The following PTPRD variants were observed in gnomAD, a reference collection of about 807,000 sequenced individuals.
PTPRD encodes the protein receptor-type tyrosine-protein phosphatase delta.
In PTPRD, 34 loss-of-function variants were observed where a neutral mutation model predicts 214.5. The ratio of observed to expected loss-of-function variants is 0.16; its 90% CI spans 0.12 to 0.21. PTPRD has a LOEUF of 0.21. Among genes scored for constraint, PTPRD ranks in the 10% least tolerant of loss-of-function variants. The pLI is 1.00. For synonymous variants in PTPRD, 1,128 were observed against 845.7 expected (o/e 1.33, Z -5.79); for missense variants, 2,545 against 2,398.7 (o/e 1.06, Z -1.27).
At chr9:9,879,455 T>G (rs984525765) in intron 5 of PTPRD, among the ~76,000 whole-genome samples, 2 of 152,218 alleles carry the variant, frequency 1.3e-5, no homozygotes, top group Non-Finnish European at 1.5e-5. Context: ...CCATTCAAAA[T>G]AGCTTGTATC....
At chr9:9,986,008 G>T (rs867279727) in intron 4 of PTPRD, among the ~76,000 whole-genome samples, 3 of 152,034 alleles carry the variant, frequency 2.0e-5, no homozygotes, top group Admixed American at 6.6e-5. Flanking sequence ...GGAATAAGGA[G>T]GACAGCTACA....
At chr9:10,534,204 T>C (rs1000315614) in intron 2 of PTPRD, among the ~76,000 whole-genome samples, 29 of 151,948 alleles carry the variant, frequency 1.9e-4, no homozygotes, top group African/African-American at 6.5e-4. Flanking sequence ...TCCATATCTT[T>C]TAAACTTTAA....
chr9:9,635,029 T>A (rs149389267), intron 7 of PTPRD, among the ~76,000 whole-genome samples: 26 of 152,166 alleles, frequency 1.7e-4, no homozygotes, highest in African/African-American at 4.8e-4. Context: ...ATATATTGAG[T>A]GAATGGTATT....
chr9:9,816,463 T>C lies in PTPRD; in HGVS notation c.-367-49612A>G, dbSNP rs1598619915. 2.6e-5 allele frequency among the ~76,000 whole-genome samples: 4 copies of C among 152,200 alleles called. No homozygotes were observed. The South Asian group carries it at 8.3e-4, about 32-fold the overall frequency. Reference sequence around the variant, plus strand: ...GCTAAAGTGCTTTGGTACATTTACATAAATCTCACTATTTGAACAATATAA... The same window carrying C: ...GCTAAAGTGCTTTGGTACATTTACACAAATCTCACTATTTGAACAATATAA... On this transcript the variant is annotated intron_variant, in intron 5 of 45. Transcript: ENST00000381196.
At chr9:10,065,159 G>GA (rs1371908539) in intron 3 of PTPRD, among the ~76,000 whole-genome samples, 2 of 149,486 alleles carry the variant, frequency 1.3e-5, no homozygotes, top group Non-Finnish European at 1.5e-5. Flanking sequence ...AAGAAAGAAA[G>GA]AAAGAAAGAA....
At chr9:9,066,840 T>C (rs780409928) in intron 10 of PTPRD, among the ~76,000 whole-genome samples, 5 of 152,226 alleles carry the variant, frequency 3.3e-5, no homozygotes, top group African/African-American at 7.2e-5. Context: ...CACCTTAATT[T>C]TGACCCAGTG....
chr9:10,177,378 A>G (rs1206691721), intron 3 of PTPRD, among the ~76,000 whole-genome samples: 10 of 151,782 alleles, frequency 6.6e-5, no homozygotes, highest in Non-Finnish European at 1.5e-4. Flanking sequence ...CCAAGGGGCT[A>G]TAACAAATGG....
chr9:10,345,637 G>A (rs984099958), intron 2 of PTPRD, among the ~76,000 whole-genome samples: 1 of 152,152 alleles, frequency 6.6e-6, no homozygotes, highest in Non-Finnish European at 1.5e-5. Flanking sequence ...GTGTATATGT[G>A]CCACATTTTC....
chr9:8,864,257 G>A (rs148756415), intron 11 of PTPRD, among the ~76,000 whole-genome samples: 354 of 152,284 alleles, frequency 2.3e-3, no homozygotes, highest in South Asian at 6.6e-3. Flanking sequence ...TACTGTTTAA[G>A]AGAAAGATAC....
chr9:9,544,591 A>T (rs1485629055), intron 8 of PTPRD, among the ~76,000 whole-genome samples: 1 of 151,630 alleles, frequency 6.6e-6, no homozygotes, highest in Non-Finnish European at 1.5e-5. Flanking sequence ...AACATCAGTC[A>T]CCTGACCTTA....
chr9:10,140,934 G>C (rs570152315), intron 3 of PTPRD, among the ~76,000 whole-genome samples: 1 of 152,086 alleles, frequency 6.6e-6, no homozygotes, highest in East Asian at 1.9e-4. Context: ...GGGATGCAAG[G>C]CTGGTTCATT....
In PTPRD at chr9:9,426,789, C is replaced by G. The variant is rs538048998; in HGVS notation, c.-236-29307G>C. Among the ~76,000 whole-genome samples, 42 of 152,244 alleles carry G rather than the reference C, an allele frequency of 2.8e-4. 1 individual carries two copies. Among genetic ancestry groups the G allele is most frequent in the African/African-American group, 9.6e-4 (40 of 41,550 alleles). On this transcript the variant is annotated intron_variant, in intron 8 of 45. Coordinates refer to ENST00000381196, the MANE Select transcript of PTPRD (RefSeq NM_002839.4). ...GCACCCTCCGCTGGTGATACCCAGG[C>G]AAACAGGGACTGGAGTGGACCTCCA... is the stretch of plus-strand genomic sequence containing the variant.
intron 8 of PTPRD, among the ~76,000 whole-genome samples, chr9:9,493,787 C>CAAAAAAAA (rs750252052): frequency 1.8e-4 from 10 of 54,456 alleles, no homozygotes; most frequent in African/African-American, 4.5e-4. Context: ...GACTCCGTCT[C>CAAAAAAAA]AAAAAAAAAA....
rs116261734 is a variant in PTPRD, at chr9:9,277,316, T to C, written c.-202-93953A>G. Among the ~76,000 whole-genome samples the C allele has an allele frequency of 5.1e-3, 768 of 151,482 alleles. 7 individuals are homozygous for C. Among genetic ancestry groups the C allele is most frequent in the African/African-American group, 0.018 (733 of 41,454 alleles). On this transcript the variant is annotated intron_variant, in intron 9 of 45. Transcript: ENST00000381196. The stretch of plus-strand genomic sequence containing the variant: ...CCAATCTGTAAGAATTTAACATTTT[T>C]AGGAAGCTTCATATATTCAGGATGT...
At chr9:9,122,356 C>CA (rs2099818400) in intron 10 of PTPRD, among the ~76,000 whole-genome samples, 1 of 151,964 alleles carries the variant, frequency 6.6e-6, no homozygotes, top group African/African-American at 2.4e-5. Context: ...TACATAACTA[C>CA]AAAAAATCAA....
chr9:10,161,465 T>C (rs192173685), intron 3 of PTPRD, among the ~76,000 whole-genome samples: 49 of 151,914 alleles, frequency 3.2e-4, no homozygotes, highest in African/African-American at 1.2e-3. Context: ...ATCTTTTCAA[T>C]AGATGGTTCT....
intron 14 of PTPRD, among the ~76,000 whole-genome samples, chr9:8,554,731 G>T (rs954689262): frequency 6.6e-6 from 1 of 152,126 alleles, no homozygotes; most frequent in Non-Finnish European, 1.5e-5. Flanking sequence ...TGTCCAACAC[G>T]TTTGTTTATT....
chr9:9,631,178 A>G (rs2095577530), intron 7 of PTPRD, among the ~76,000 whole-genome samples: 1 of 147,288 alleles, frequency 6.8e-6, no homozygotes, highest in Non-Finnish European at 1.5e-5. Context: ...TACTCCTTAG[A>G]CAAGTATCTC....
chr9:9,426,185 T>A (rs767521662), intron 8 of PTPRD, among the ~76,000 whole-genome samples: 28 of 152,258 alleles, frequency 1.8e-4, no homozygotes, highest in Admixed American at 1.2e-3. Context: ...AGACAGCACC[T>A]GGAATATTGG....
Sources: gnomAD v4.1 joint callset for allele counts (sites outside exome capture counted in the v4.1 genomes callset) on GRCh38, gnomAD v4.1.1 for gene constraint, MANE v1.5 for transcripts, NCBI Gene and HGNC (gene_info 2026-07-23, HGNC 2026-07-21) for gene names.